The following BSG variants were observed in gnomAD, a reference collection of about 807,000 sequenced individuals.
The protein encoded by BSG is basigin.
Under a neutral mutation model 43.1 loss-of-function variants are expected in BSG, and 37 were observed. The observed-to-expected ratio is 0.86, with a 90% CI of 0.66 to 1.13. BSG has a LOEUF of 1.13. Among genes scored for constraint, BSG ranks in the 50% most tolerant of loss-of-function variants. The pLI, the probability that BSG is intolerant of heterozygous loss-of-function variation, is 0.00. For missense variants in BSG, 599 were observed against 554.2 expected (o/e 1.08, Z -0.81); for synonymous variants, 309 against 238.7 (o/e 1.29, Z -2.72).
chr19:572,410 G>A (rs1249293356), upstream of BSG: 1 of 985,190 alleles, frequency 1.0e-6, no homozygotes, highest in Non-Finnish European at 1.2e-6. Flanking sequence ...GGTCACGTGC[G>A]CCGCCGCCCG....
At position 579,641 on chromosome 19, in the gene BSG, A is replaced by C. The variant is rs1394135999; in HGVS notation, c.557A>C (p.Gln186Pro). The C allele has an allele frequency of 6.2e-7, 1 of 1,610,106 alleles. No individual in the cohort carries two copies. The highest frequency in any genetic ancestry group is 8.5e-7 in the Non-Finnish European group (1 of 1,178,628). ...CTGAAGGAGGACGCGCTGCCCGGCC[A>C]GAAAACGGAGTTCAAGTGAGTGCCT... is the stretch of plus-strand genomic sequence containing the variant. Reference protein sequence around the residue: ...VVLKEDALPGQKTEFKVDSDD... With the variant: ...VVLKEDALPGPKTEFKVDSDD... Residue 186 changes from glutamine (Q) to proline (P), a missense_variant, in exon 3 of 9, where the codon CAG becomes CCG. By Grantham distance (76) the Gln-to-Pro change is moderately conservative. Transcript: ENST00000333511.
At chr19:571,424 T>TAGCG (rs1981225518), upstream of BSG, 2 of 725,564 alleles carry the variant, frequency 2.8e-6, no homozygotes, top group Non-Finnish European at 2.5e-6. Context: ...GTCGCCCCAA[T>TAGCG]AGCGACTTTT....
In BSG at chr19:581,204, C is replaced by G. The variant is rs1042657545; in HGVS notation, c.793-111C>G. 26 of 825,904 alleles carry G rather than the reference C, an allele frequency of 3.1e-5. No homozygotes were observed. The Admixed American group carries it at 1.1e-3, about 33-fold the overall frequency. The allele number at this position is 825,904 out of a possible 1,614,324, so 51.2% of individuals were successfully genotyped here. A position where few individuals can be genotyped will look rare whatever the true frequency, so the allele number is the denominator to read the frequency against. ...TAGACTGGGGGTCCCGGACTCAGCCCTCCGGACTGGGTGAGGGGCCTAGAC... is the reference window on the plus strand; with the variant it reads ...TAGACTGGGGGTCCCGGACTCAGCCGTCCGGACTGGGTGAGGGGCCTAGAC... On this transcript the variant is annotated intron_variant, in intron 5 of 8. Transcript: ENST00000333511.
At chr19:571,372 TC>T, upstream of BSG, 2 of 610,634 alleles carry the variant, frequency 3.3e-6, no homozygotes, top group Non-Finnish European at 5.8e-6. Flanking sequence ...GAGTTTAACT[TC>T]CAACACACAC....
rs771011517 is a variant in BSG at position 581,565 on chromosome 19, G to A, written c.1043G>A (p.Arg348His). 6.9e-6 allele frequency: 11 copies of A among 1,598,662 alleles called. No individual in the cohort carries two copies. Among genetic ancestry groups the A allele is most frequent in the East Asian group, 4.5e-5 (2 of 44,118 alleles). ...ACCATCATCTTCATCTACGAGAAGC[G>A]CCGGAAGCCCGAGGACGTCCTGGAT... The part of the protein sequence containing the change: ...LVTIIFIYEK[R>H]RKPEDVLDDD... The change falls in exon 6 of 9, where the codon CGC becomes CAC. Residue 348 changes from arginine to histidine, a missense_variant. Arg to His is a conservative substitution (Grantham distance 29). Coordinates refer to ENST00000333511, the MANE Select transcript of BSG (RefSeq NM_001728.4).
intron 1 of BSG, among the ~76,000 whole-genome samples, chr19:573,403 G>A (rs771201771): frequency 6.6e-6 from 1 of 152,202 alleles, no homozygotes; most frequent in Non-Finnish European, 1.5e-5. Context: ...CTGGAAAAGG[G>A]GCTTTTGTCC....
chr19:583,302 T>C lies in BSG; in HGVS notation c.*558T>C, dbSNP rs1182566351. On this transcript the variant is annotated 3_prime_UTR_variant, in exon 9 of 9. Coordinates refer to ENST00000333511, the MANE Select transcript of BSG (RefSeq NM_001728.4). ...TCAAGTCACTCCCAAGCCCCCTCCT[T>C]GTCTGTGCATCCGGGGGCAGCTCTG... 4 of 152,282 alleles carry C rather than the reference T, an allele frequency of 2.6e-5. No homozygotes were observed. The highest frequency in any genetic ancestry group is 7.2e-5 in the African/African-American group (3 of 41,436). 9.4% of individuals were successfully genotyped at this position (152,282 alleles called of 1,614,324 possible).
At chr19:576,360 C>T (rs1981770565) in intron 1 of BSG, among the ~76,000 whole-genome samples, 1 of 152,244 alleles carries the variant, frequency 6.6e-6, no homozygotes, top group African/African-American at 2.4e-5. Flanking sequence ...GCTGTGCTTC[C>T]TGCCCTGACT....
intron 1 of BSG, among the ~76,000 whole-genome samples, chr19:573,677 G>A (rs567062140): frequency 3.3e-5 from 5 of 152,164 alleles, no homozygotes; most frequent in Admixed American, 3.3e-4. Context: ...CGAGGAAACA[G>A]CCCTGTGGGA....
At position 574,489 on chromosome 19, in the gene BSG, C is replaced by G. The variant is rs573096234; in HGVS notation, c.67+1788C>G. On this transcript the variant is annotated intron_variant, in intron 1 of 8. Coordinates refer to ENST00000333511, the MANE Select transcript of BSG (RefSeq NM_001728.4). Reference sequence around the variant, plus strand: ...AATGGTGTGAACCAGGGAGGCGGAGCTTGCAGTGAGCCGAGATCGCGCCAT... The same window carrying G: ...AATGGTGTGAACCAGGGAGGCGGAGGTTGCAGTGAGCCGAGATCGCGCCAT... 2.6e-5 allele frequency among the ~76,000 whole-genome samples: 4 copies of G among 151,186 alleles called. No individual in the cohort carries two copies. The East Asian group carries it at 7.8e-4, about 30-fold the overall frequency.
Position 581,361 on chromosome 19 carries a change from A to G in BSG, c.839A>G (p.Gln280Arg). 2 of 1,612,762 alleles carry G rather than the reference A, an allele frequency of 1.2e-6. No individual in the cohort carries two copies. The highest frequency in any genetic ancestry group is 2.2e-5 in the East Asian group (1 of 44,876). ...AGCAGGTTCTTCGTGAGTTCCTCGCAGGGCCGGTCAGAGCTACACATTGAG... is the reference window on the plus strand; with the variant it reads ...AGCAGGTTCTTCGTGAGTTCCTCGCGGGGCCGGTCAGAGCTACACATTGAG... Reference protein sequence around the residue: ...SESRFFVSSSQGRSELHIENL... With the variant: ...SESRFFVSSSRGRSELHIENL... Residue 280 changes from glutamine to arginine, a missense_variant, in exon 6 of 9, where the codon CAG becomes CGG. Coordinates refer to ENST00000333511, the MANE Select transcript of BSG (RefSeq NM_001728.4).
intron 1 of BSG, among the ~76,000 whole-genome samples, chr19:573,210 G>T (rs192403165): frequency 2.0e-5 from 3 of 152,290 alleles, no homozygotes; most frequent in African/African-American, 4.8e-5. Flanking sequence ...GCTGGTTGGT[G>T]CCTGCCCAAC....
rs1286651852 is a variant in BSG at position 581,309 on chromosome 19, C to T, written c.793-6C>T. On this transcript the variant is annotated splice_polypyrimidine_tract_variant and splice_region_variant and intron_variant, in intron 5 of 8. Coordinates refer to ENST00000333511, the MANE Select transcript of BSG (RefSeq NM_001728.4). The stretch of plus-strand genomic sequence containing the variant: ...CTGGACTCAGCCCTTGCCTTTGGTC[C>T]CCTAGGCCCTCATGAACGGCTCCGA... 3 of 1,609,150 alleles carry T rather than the reference C, an allele frequency of 1.9e-6. No homozygotes were observed. The Admixed American group carries it at 5.0e-5, about 27-fold the overall frequency.
chr19:579,379 G>A (rs780464425), intron 2 of BSG, 121 bp from the exon 3 acceptor site: 8 of 1,364,784 alleles, frequency 5.9e-6, no homozygotes, highest in African/African-American at 1.4e-5. Context: ...AAGGGCCACG[G>A]TGTATTTTTG....
upstream of BSG, chr19:571,585 C>T (rs929394299): frequency 1.3e-6 from 1 of 779,604 alleles, no homozygotes; most frequent in Non-Finnish European, 2.4e-6. Flanking sequence ...GAAAGGTAAC[C>T]GCCAGCCTCT....
rs559051628 is a variant in BSG at position 577,997 on chromosome 19, G to A, written c.291G>A (p.Thr97=). 2.5e-6 allele frequency: 4 copies of A among 1,612,142 alleles called. No individual in the cohort carries two copies. Among genetic ancestry groups the A allele is most frequent in the East Asian group, 4.5e-5 (2 of 44,862 alleles). Reference sequence around the variant, plus strand: ...CGGCCAGCACCATCTCCATCGACACGCTCGTGGAGGAGGACACGGGCACTT... The same window carrying A: ...CGGCCAGCACCATCTCCATCGACACACTCGTGGAGGAGGACACGGGCACTT... The part of the protein sequence containing the change: ...QHAASTISID[T]LVEEDTGTYE... Residue 97 remains threonine, a synonymous_variant, in exon 2 of 9, where the codon ACG becomes ACA. Transcript: ENST00000333511.
Position 572,760 on chromosome 19 carries a change from G to A in BSG, c.67+59G>A. The A allele has an allele frequency of 2.2e-6, 3 of 1,354,030 alleles. No individual in the cohort carries two copies. In the South Asian group the frequency reaches 5.1e-5, roughly 23 times the overall value. The allele number at this position is 1,354,030 out of a possible 1,614,324, so 83.9% of individuals were successfully genotyped here. A position where few individuals can be genotyped will look rare whatever the true frequency, so the allele number is the denominator to read the frequency against. On this transcript the variant is annotated intron_variant, in intron 1 of 8. Transcript: ENST00000333511. ...TGCAGGGGCCGGGAATGGAGGCCGC[G>A]GTGCCGACCCGAAGCCGACGGGAGC...
chr19:571,475 C>T (rs899528637), upstream of BSG: 3 of 775,986 alleles, frequency 3.9e-6, no homozygotes, highest in South Asian at 4.0e-5. Context: ...TCCTTCCTAC[C>T]CGCGTTGCTG....
chr19:576,953 C>T lies in BSG; in HGVS notation c.68-821C>T, dbSNP rs1231930098. Among the ~76,000 whole-genome samples, 8 of 127,006 alleles carry T rather than the reference C, an allele frequency of 6.3e-5. No homozygotes were observed. In the East Asian group the frequency reaches 1.4e-3, roughly 22 times the overall value. 83.3% of individuals were successfully genotyped at this position (127,006 alleles called of 152,430 possible). ...TGTATGTGTTGTGTGTGTTTGCAGA[C>T]GTGTGTCCTTGTGTGTGTGTGTGTG... On this transcript the variant is annotated intron_variant, in intron 1 of 8. Coordinates refer to ENST00000333511, the MANE Select transcript of BSG (RefSeq NM_001728.4).
Sources: allele counts gnomAD v4.1 joint callset (sites outside exome capture counted in the v4.1 genomes callset), GRCh38; gene constraint gnomAD v4.1.1; transcripts MANE v1.5; gene names NCBI Gene and HGNC (gene_info 2026-07-23, HGNC 2026-07-21).